Variants in KNDC1 observed in about 807,000 individuals in gnomAD.
The protein encoded by KNDC1 is kinase non-catalytic C-lobe domain-containing protein 1.
Under a neutral mutation model 172.8 loss-of-function variants are expected in KNDC1, and 106 were observed. That is an observed-to-expected ratio of 0.61 (90% CI 0.52 to 0.72). The LOEUF is 0.72. Among genes scored for constraint, KNDC1 ranks in the 30% least tolerant of loss-of-function variants. The probability of loss-of-function intolerance (pLI) is 0.00; values close to 1 mark genes in which losing one functional copy is unlikely to be tolerated. For missense variants in KNDC1, 2,325 were observed against 2,394.5 expected (o/e 0.97, Z 0.61); for synonymous variants, 1,083 against 1,062.2 (o/e 1.02, Z -0.38).
intron 1 of KNDC1, among the ~76,000 whole-genome samples, chr10:133,165,497 T>C (rs1353800804): frequency 1.3e-5 from 2 of 152,092 alleles, no homozygotes; most frequent in Admixed American, 1.3e-4. Flanking sequence ...GGGGACCGGC[T>C]GAGACGCGCC....
chr10:133,193,060 A>G (rs1246806351), intron 9 of KNDC1, among the ~76,000 whole-genome samples: 1 of 150,786 alleles, frequency 6.6e-6, no homozygotes, highest in East Asian at 1.9e-4. Context: ...AAAATAAAAA[A>G]CAAAAAGAGA....
intron 1 of KNDC1, among the ~76,000 whole-genome samples, chr10:133,165,780 A>G (rs975304350): frequency 3.9e-4 from 59 of 151,988 alleles, no homozygotes; most frequent in African/African-American, 1.4e-3. Context: ...GGCTCTCTGG[A>G]GTCCTGAGGA....
chr10:133,180,582 G>A (rs113637953), intron 3 of KNDC1, among the ~76,000 whole-genome samples: 8,699 of 152,316 alleles, frequency 0.057, 793 homozygotes, highest in African/African-American at 0.19. Flanking sequence ...CTGTAGCCTC[G>A]GGGTGGAGAA....
In KNDC1 at chr10:133,199,528, T is replaced by C. The variant is rs145023039; in HGVS notation, c.2829T>C (p.Cys943=). 10 of 1,613,780 alleles carry C rather than the reference T, an allele frequency of 6.2e-6. No homozygotes were observed. The highest frequency in any genetic ancestry group is 2.7e-5 in the African/African-American group (2 of 74,946). The change falls in exon 15 of 30, where the codon TGT becomes TGC. Residue 943 remains cysteine (C), a synonymous_variant. Transcript: ENST00000304613. ...GTGGCGCCATTTCCGAGAAGTTCTG[T>C]GACCTGTACTGGGATGAGAAGTTGC... ...TFCGAISEKF[C]DLYWDEKLLQ...
chr10:133,184,860 G>A (rs1006629058), intron 5 of KNDC1, among the ~76,000 whole-genome samples: 2 of 152,268 alleles, frequency 1.3e-5, no homozygotes, highest in African/African-American at 4.8e-5. Context: ...AAACGGATGG[G>A]TTGATGTTTC....
At chr10:133,197,619 C>A in intron 11 of KNDC1, 56 bp from the exon 12 acceptor site, 2 of 1,364,416 alleles carry the variant, frequency 1.5e-6, no homozygotes, top group Non-Finnish European at 2.1e-6. Flanking sequence ...GTGGGTGTTG[C>A]CGGCGCTGGC....
chr10:133,200,295 CCTGTGGGCCCCGCCCTGTGGAGA>C, intron 15 of KNDC1, 57 bp from the exon 16 acceptor site: 6 of 1,094,224 alleles, frequency 5.5e-6, no homozygotes, highest in Non-Finnish European at 7.6e-6. Context: ...GACGTGTGGG[CCTGTGGGCCCCGCCCTGTGGAGA>C]CTGTGGCCTC....
intron 12 of KNDC1, among the ~76,000 whole-genome samples, chr10:133,198,095 C>G (rs1470493891): frequency 6.6e-6 from 1 of 152,318 alleles, no homozygotes; most frequent in African/African-American, 2.4e-5. Flanking sequence ...GCAGGCCCCT[C>G]CAAGGCTTCT....
At chr10:133,202,683 G>A (rs983321268) in intron 17 of KNDC1, 21 of 456,516 alleles carry the variant, frequency 4.6e-5, no homozygotes, top group Admixed American at 4.0e-4. Context: ...CTCTCCTGCC[G>A]CCTCCTGGCC....
chr10:133,179,655 T>C (rs1253589707), intron 3 of KNDC1, among the ~76,000 whole-genome samples: 1 of 152,202 alleles, frequency 6.6e-6, no homozygotes, highest in African/African-American at 2.4e-5. Flanking sequence ...GGGGAAGTTT[T>C]CACGTCCACT....
chr10:133,221,659 A>G (rs921573446), intron 29 of KNDC1, among the ~76,000 whole-genome samples: 1 of 152,266 alleles, frequency 6.6e-6, no homozygotes, highest in Non-Finnish European at 1.5e-5. Context: ...ATGGATCCTC[A>G]GCCTGATAGG....
intron 1 of KNDC1, among the ~76,000 whole-genome samples, chr10:133,165,494 G>A (rs1050888804): frequency 2.0e-5 from 3 of 152,204 alleles, no homozygotes; most frequent in Non-Finnish European, 2.9e-5. Flanking sequence ...GACGGGGACC[G>A]GCTGAGACGC....
At chr10:133,199,787 C>T (rs543494547) in intron 15 of KNDC1, among the ~76,000 whole-genome samples, 185 bp downstream of exon 15, 41 of 152,330 alleles carry the variant, frequency 2.7e-4, no homozygotes, top group African/African-American at 8.9e-4. Flanking sequence ...TTGGGCCTGA[C>T]GCCTACTCAC....
chr10:133,211,867 C>A lies in KNDC1; in HGVS notation c.4236+9C>A. ...ACGGCATCTCCAGGAAGGTGGGGTC[C>A]TTTCTCAGGGGAGGTCCTCCCTGGA... On this transcript the variant is annotated intron_variant, in intron 23 of 29. Coordinates refer to ENST00000304613, the MANE Select transcript of KNDC1 (RefSeq NM_152643.8). 6.2e-7 allele frequency: 1 copy of A among 1,601,262 alleles called. No homozygotes were observed. The highest frequency in any genetic ancestry group is 8.5e-7 in the Non-Finnish European group (1 of 1,177,436).
At chr10:133,195,921 T>C (rs1453706562) in intron 10 of KNDC1, 100 bp downstream of exon 10, 2 of 1,230,090 alleles carry the variant, frequency 1.6e-6, no homozygotes, top group Non-Finnish European at 2.2e-6. Flanking sequence ...GCTGCCAGTG[T>C]CCAGGTGATG....
chr10:133,222,014 G>GGCCGGGCTGGGTGCAGCCA, intron 29 of KNDC1, among the ~76,000 whole-genome samples: 1 of 145,948 alleles, frequency 6.9e-6, no homozygotes, highest in South Asian at 2.2e-4. Flanking sequence ...GGGCGCGGTG[G>GGCCGGGCTGGGTGCAGCCA]CTCACGCCAG....
chr10:133,179,481 T>G (rs920192701), intron 3 of KNDC1: 3 of 152,124 alleles, frequency 2.0e-5, no homozygotes, highest in African/African-American at 7.2e-5. Flanking sequence ...TCCAAGAATC[T>G]CCAGCAGAGC....
chr10:133,179,240 C>G (rs550711454), intron 3 of KNDC1: 1 of 152,140 alleles, frequency 6.6e-6, no homozygotes, highest in African/African-American at 2.4e-5. Flanking sequence ...GCCCCGAAAT[C>G]TGATCAACCA....
rs531357295 is a variant in KNDC1, at chr10:133,170,104, T to C, written c.360+1792T>C. ...GCCATAATGTGGCACCTGCTGTGTG[T>C]TATCCCGTCGGGTGAAACGCTACAT... On this transcript the variant is annotated intron_variant, in intron 3 of 29. Coordinates refer to ENST00000304613, the MANE Select transcript of KNDC1 (RefSeq NM_152643.8). Among the ~76,000 whole-genome samples the C allele has an allele frequency of 2.0e-5, 3 of 152,360 alleles. No homozygotes were observed. In the South Asian group the frequency reaches 6.2e-4, roughly 32 times the overall value.
Sources: allele counts gnomAD v4.1 joint callset (sites outside exome capture counted in the v4.1 genomes callset), GRCh38; gene constraint gnomAD v4.1.1; transcripts MANE v1.5; gene names NCBI Gene and HGNC (gene_info 2026-07-23, HGNC 2026-07-21).